Variants in MAN1B1 observed in about 807,000 individuals in gnomAD.
MAN1B1 encodes the protein mannosidase alpha class 1B member 1, also known as endoplasmic reticulum mannosyl-oligosaccharide 1,2-alpha-mannosidase.
A neutral mutation model predicts 75.5 loss-of-function variants in MAN1B1; 66 were observed. That is an observed-to-expected ratio of 0.87 (90% confidence interval 0.72 to 1.07). The LOEUF (loss-of-function observed/expected upper bound fraction) is 1.07. Ranked by LOEUF, MAN1B1 falls within the 50% of genes least tolerant of loss-of-function variation. The pLI is 0.00. For missense variants in MAN1B1, 973 were observed against 912.5 expected (o/e 1.07, Z -0.85); for synonymous variants, 453 against 382.8 (o/e 1.18, Z -2.14).
chr9:137,100,339 G>A (rs1038598500), intron 6 of MAN1B1, among the ~76,000 whole-genome samples: 3 of 152,176 alleles, frequency 2.0e-5, no homozygotes, highest in Non-Finnish European at 2.9e-5. Context: ...AGTAAACGAC[G>A]TGTGTAATTT....
Position 137,107,351 on chromosome 9 carries a change from T to A in MAN1B1, c.1668T>A (p.Cys556Ter). 6.2e-7 allele frequency: 1 copy of A among 1,613,358 alleles called. No individual in the cohort carries two copies. The highest frequency in any genetic ancestry group is 8.5e-7 in the Non-Finnish European group (1 of 1,180,004). ...MELAQELMET[C>*]YQMNRQMETG... ...TGGCCCAGGAGCTCATGGAGACTTG[T>A]TACCAGATGAACCGGCAGATGGAGA... is the stretch of plus-strand genomic sequence containing the variant. Residue 556 changes from cysteine to a stop codon, truncating the protein, a stop_gained, in exon 11 of 13, where the codon TGT becomes TGA. Transcript: ENST00000371589. LOFTEE classifies it high-confidence loss of function.
At chr9:137,105,793 G>A in intron 8 of MAN1B1, 1 of 492,866 alleles carries the variant, frequency 2.0e-6, no homozygotes, top group Non-Finnish European at 3.9e-6. Context: ...GGCCAGGCCT[G>A]GTGGGCTCTC....
Position 137,087,234 on chromosome 9 carries a change from G to T in MAN1B1, c.219+16G>T. 1 of 1,559,116 alleles carries T rather than the reference G, an allele frequency of 6.4e-7. No individual in the cohort carries two copies. Among genetic ancestry groups the T allele is most frequent in the East Asian group, 2.4e-5 (1 of 42,286 alleles). Reference sequence around the variant, plus strand: ...GTGCTGGAGGGTGAGGGTCGCGCCGGGCTGACTGGGGCCCGGGGCTGCCGT... The same window carrying T: ...GTGCTGGAGGGTGAGGGTCGCGCCGTGCTGACTGGGGCCCGGGGCTGCCGT... On this transcript the variant is annotated intron_variant, in intron 1 of 12. Coordinates refer to ENST00000371589, the MANE Select transcript of MAN1B1 (RefSeq NM_016219.5).
intron 8 of MAN1B1, chr9:137,101,968 C>A (rs1317510506): frequency 5.3e-6 from 3 of 563,186 alleles, no homozygotes; most frequent in Non-Finnish European, 1.0e-5. Context: ...AGTGGTGTTA[C>A]ACACATGCTG....
Position 137,107,359 on chromosome 9 carries a change from T to C in MAN1B1, c.1676T>C (p.Met559Thr), listed in dbSNP as rs748308268. Residue 559 changes from methionine (M) to threonine (T), a missense_variant, in exon 11 of 13, where the codon ATG (methionine) becomes ACG (threonine). Coordinates refer to ENST00000371589, the MANE Select transcript of MAN1B1 (RefSeq NM_016219.5). Reference protein sequence around the residue: ...AQELMETCYQMNRQMETGLSP... With the variant: ...AQELMETCYQTNRQMETGLSP... ...GAGCTCATGGAGACTTGTTACCAGA[T>C]GAACCGGCAGATGGAGACGGGGCTG... 3 of 1,613,368 alleles carry C rather than the reference T, an allele frequency of 1.9e-6. No homozygotes were observed. The highest frequency in any genetic ancestry group is 1.6e-4 in the Middle Eastern group (1 of 6,062).
At chr9:137,096,531 C>T (rs1830657752) in intron 4 of MAN1B1, 140 bp downstream of exon 4, 1 of 1,219,014 alleles carries the variant, frequency 8.2e-7, no homozygotes, top group Non-Finnish European at 1.2e-6. Context: ...CCTCATTAAC[C>T]TTAGATTACA....
chr9:137,107,766 G>A (rs763270256), intron 12 of MAN1B1, 104 bp downstream of exon 12: 3 of 1,569,196 alleles, frequency 1.9e-6, no homozygotes, highest in Non-Finnish European at 2.6e-6. Flanking sequence ...GCTGTGACCT[G>A]GATCCGGGAG....
At chr9:137,089,991 C>T (rs1048673885) in intron 3 of MAN1B1, among the ~76,000 whole-genome samples, 3 of 151,912 alleles carry the variant, frequency 2.0e-5, no homozygotes. Context: ...TGGTTTGTGT[C>T]CTCTGGAAAC....
At chr9:137,103,821 G>T in intron 8 of MAN1B1, 1 of 453,396 alleles carries the variant, frequency 2.2e-6, no homozygotes, top group South Asian at 1.6e-5. Flanking sequence ...ACTGTTGCAG[G>T]CTTGCAGGTC....
chr9:137,101,431 A>G lies in MAN1B1; in HGVS notation c.1066-53A>G. The G allele has an allele frequency of 1.9e-6, 3 of 1,547,974 alleles. 1 individual carries two copies. Among genetic ancestry groups the G allele is most frequent in the South Asian group, 2.2e-5 (2 of 89,258 alleles). ...CACTGAACTGCATGAAAGGGTGTAG[A>G]CGAGGCCTCTGGGTGACCTGAACGT... On this transcript the variant is annotated intron_variant, in intron 7 of 12. Coordinates refer to ENST00000371589, the MANE Select transcript of MAN1B1 (RefSeq NM_016219.5).
chr9:137,087,501 C>T (rs1381846512), intron 1 of MAN1B1: 2 of 641,194 alleles, frequency 3.1e-6, no homozygotes, highest in East Asian at 6.3e-5. Flanking sequence ...CTGCAAGGTC[C>T]TGGCCCAGGC....
intron 1 of MAN1B1, 133 bp from the exon 2 acceptor site, chr9:137,087,942 C>CAAA: frequency 4.6e-6 from 3 of 648,764 alleles, no homozygotes; most frequent in South Asian, 1.8e-5. Context: ...ACCCTGTTTC[C>CAAA]AAAAAAAAAA....
At chr9:137,107,929 T>G (rs1176868896) in intron 12 of MAN1B1, 2 of 644,308 alleles carry the variant, frequency 3.1e-6, no homozygotes, top group Non-Finnish European at 5.6e-6. Flanking sequence ...CTAGGGAGGG[T>G]CTCTGCTGTG....
chr9:137,087,948 A>T, intron 1 of MAN1B1, 127 bp from the exon 2 acceptor site: 1 of 855,552 alleles, frequency 1.2e-6, no homozygotes, highest in Non-Finnish European at 1.9e-6. Flanking sequence ...TTTCCAAAAA[A>T]AAAAAGAAAT....
At chr9:137,087,702 G>T (rs2130985212) in intron 1 of MAN1B1, 2 of 406,804 alleles carry the variant, frequency 4.9e-6, no homozygotes, top group South Asian at 4.3e-5. Flanking sequence ...GGAGTCGCAG[G>T]AGTCTTTCTC....
In MAN1B1 at chr9:137,108,613, G is replaced by C; in HGVS notation, c.*22G>C. ...CTAGGGTGGATGGCTGCTGGTGTGGGGACTTCGGGTGGGCAGAGGCACCTT... is the reference window on the plus strand; with the variant it reads ...CTAGGGTGGATGGCTGCTGGTGTGGCGACTTCGGGTGGGCAGAGGCACCTT... On this transcript the variant is annotated 3_prime_UTR_variant, in exon 13 of 13. Coordinates refer to ENST00000371589, the MANE Select transcript of MAN1B1 (RefSeq NM_016219.5). 2 of 1,611,956 alleles carry C rather than the reference G, an allele frequency of 1.2e-6. No individual in the cohort carries two copies. The highest frequency in any genetic ancestry group is 1.7e-6 in the Non-Finnish European group (2 of 1,178,646).
chr9:137,103,080 C>T (rs111942440), intron 8 of MAN1B1: 1 of 117,524 alleles, frequency 8.5e-6, no homozygotes, highest in African/African-American at 1.4e-4. Context: ...CACATTCACA[C>T]TTGCAGGCGT....
intron 3 of MAN1B1, chr9:137,094,528 G>A: frequency 4.3e-6 from 1 of 231,580 alleles, no homozygotes; most frequent in Non-Finnish European, 9.1e-6. Flanking sequence ...TTGCTTGAAT[G>A]CAGGAGTTCG....
chr9:137,088,520 C>T, intron 2 of MAN1B1: 1 of 1,137,306 alleles, frequency 8.8e-7, no homozygotes, highest in Non-Finnish European at 1.3e-6. Flanking sequence ...AAAGACCAGG[C>T]AGAGTTCTGG....
Sources: gnomAD v4.1 joint callset for allele counts (sites outside exome capture counted in the v4.1 genomes callset) on GRCh38, gnomAD v4.1.1 for gene constraint, MANE v1.5 for transcripts, NCBI Gene and HGNC (gene_info 2026-07-23, HGNC 2026-07-21) for gene names.